The following FUT8 variants were observed in gnomAD, a reference collection of about 807,000 sequenced individuals.
FUT8 encodes the protein fucosyltransferase 8.
A neutral mutation model predicts 71.3 loss-of-function variants in FUT8; 29 were observed. The observed-to-expected ratio is 0.41, with a 90% CI of 0.30 to 0.55. FUT8 has a LOEUF of 0.55. Among genes scored for constraint, FUT8 ranks in the 20% least tolerant of loss-of-function variants. The pLI, the probability that FUT8 is intolerant of heterozygous loss-of-function variation, is 0.34. For synonymous variants in FUT8, 254 were observed against 239.3 expected, an observed-to-expected ratio of 1.06 and a Z score of -0.57; for missense variants, 544 against 702.1, an observed-to-expected ratio of 0.77 and a Z score of 2.55.
chr14:65,525,114 A>G (rs879858716), intron 2 of FUT8, among the ~76,000 whole-genome samples: 1 of 152,052 alleles, frequency 6.6e-6, no homozygotes, highest in Admixed American at 6.6e-5. Context: ...TTTTCTATTG[A>G]TGGGAATAGT....
chr14:65,678,191 T>C (rs1394277816), intron 7 of FUT8, among the ~76,000 whole-genome samples: 1 of 152,228 alleles, frequency 6.6e-6, no homozygotes, highest in African/African-American at 2.4e-5. Flanking sequence ...GATTGGGTTA[T>C]AGAGTTTCAG....
At position 65,561,349 on chromosome 14, in the gene FUT8, A is replaced by G. The variant is rs1885904286; in HGVS notation, c.-215A>G. 2 of 552,388 alleles carry G rather than the reference A, an allele frequency of 3.6e-6. No homozygotes were observed. Among genetic ancestry groups the G allele is most frequent in the Non-Finnish European group, 6.5e-6 (2 of 309,422 alleles). The allele number at this position is 552,388 out of a possible 1,614,324, so 34.2% of individuals were successfully genotyped here. ...ACTCTTTCCACAGCATGTAGAGCGC[A>G]TGAAGTACAGGACAATAAAGCTTCC... On this transcript the variant is annotated 5_prime_UTR_variant, in exon 3 of 11. It removes an upstream start codon present in the reference 5' UTR. Transcript: ENST00000673929.
chr14:65,636,322 T>G (rs1482448387), intron 6 of FUT8, among the ~76,000 whole-genome samples: 6 of 151,710 alleles, frequency 4.0e-5, no homozygotes, highest in East Asian at 3.9e-4. Flanking sequence ...TGTATTTTTT[T>G]TTTGTTTGTT....
At chr14:65,510,547 C>T (rs770676929) in intron 2 of FUT8, among the ~76,000 whole-genome samples, 1 of 151,998 alleles carries the variant, frequency 6.6e-6, no homozygotes, top group Non-Finnish European at 1.5e-5. Context: ...ACAGTGTAAC[C>T]ATTGGGTCAT....
chr14:65,592,761 C>A (rs187607799), intron 3 of FUT8, among the ~76,000 whole-genome samples: 22 of 152,216 alleles, frequency 1.4e-4, no homozygotes, highest in Non-Finnish European at 2.6e-4. Flanking sequence ...TTTATTTGAA[C>A]CTGAATGTGT....
At position 65,650,003 on chromosome 14, in the gene FUT8, A is replaced by G. The variant is rs117334696; in HGVS notation, c.598-19240A>G. Among the ~76,000 whole-genome samples, 1,397 of 152,302 alleles carry G rather than the reference A, an allele frequency of 9.2e-3. 14 individuals carry two copies. The highest frequency in any genetic ancestry group is 0.015 in the Non-Finnish European group (1,033 of 68,022). ...TATTAGTCTATTCTCACACTGCTAT[A>G]AAGAAATACCTGGCTGGGTGCGGTG... On this transcript the variant is annotated intron_variant, in intron 6 of 10. Coordinates refer to ENST00000673929, the MANE Select transcript of FUT8 (RefSeq NM_001371533.1).
At chr14:65,503,376 C>T (rs2066677448) in intron 2 of FUT8, among the ~76,000 whole-genome samples, 3 of 152,188 alleles carry the variant, frequency 2.0e-5, no homozygotes, top group African/African-American at 7.2e-5. Flanking sequence ...GATGATAGGA[C>T]ATCTGCAGAT....
intron 3 of FUT8, 53 bp downstream of exon 3, chr14:65,561,819 A>G (rs2140045081): frequency 4.2e-6 from 6 of 1,441,616 alleles, no homozygotes; most frequent in East Asian, 2.3e-5. Context: ...CTTTGTTTTT[A>G]GGTGTAGGGC....
chr14:65,528,350 G>C (rs145967881), intron 2 of FUT8, among the ~76,000 whole-genome samples: 10 of 152,360 alleles, frequency 6.6e-5, no homozygotes, highest in South Asian at 4.1e-4. Flanking sequence ...CTCCGAGCCA[G>C]GCGCGGGATA....
In FUT8 at chr14:65,631,535, T is replaced by G. The variant is rs913979892; in HGVS notation, c.597+1929T>G. Among the ~76,000 whole-genome samples the G allele has an allele frequency of 7.9e-5, 12 of 152,296 alleles. No homozygotes were observed. In the South Asian group the frequency reaches 2.1e-3, roughly 26 times the overall value. ...TTGGCTTTTTAAATCTTTTAAACTA[T>G]AGCAAAACCTAGCACTTTACTTGGA... On this transcript the variant is annotated intron_variant, in intron 6 of 10. Coordinates refer to ENST00000673929, the MANE Select transcript of FUT8 (RefSeq NM_001371533.1).
chr14:65,696,188 C>T (rs138820751), intron 7 of FUT8, among the ~76,000 whole-genome samples: 3,844 of 152,230 alleles, frequency 0.025, 69 homozygotes, highest in Non-Finnish European at 0.041. Flanking sequence ...CTCTAACACT[C>T]TTCTTTATAC....
At chr14:65,728,501 A>C (rs1594943772) in intron 9 of FUT8, among the ~76,000 whole-genome samples, 1 of 152,174 alleles carries the variant, frequency 6.6e-6, no homozygotes, top group Non-Finnish European at 1.5e-5. Flanking sequence ...AGGTTTGGGG[A>C]CCCAGCCAAA....
At chr14:65,423,940 T>C (rs2065341869) in intron 1 of FUT8, among the ~76,000 whole-genome samples, 1 of 152,202 alleles carries the variant, frequency 6.6e-6, no homozygotes, top group African/African-American at 2.4e-5. Context: ...CAATGGCCCT[T>C]ATGCTGGATT....
intron 6 of FUT8, among the ~76,000 whole-genome samples, chr14:65,630,832 T>A (rs749932482): frequency 6.6e-6 from 1 of 152,202 alleles, no homozygotes; most frequent in Non-Finnish European, 1.5e-5. Flanking sequence ...ATGTTTGAAG[T>A]TGAAATGACC....
chr14:65,360,905 A>G, the FUT8 span, among the ~76,000 whole-genome samples: 1 of 152,244 alleles, frequency 6.6e-6, no homozygotes, highest in Non-Finnish European at 1.5e-5. Context: ...TTATGAGCCC[A>G]TATTTTCTCA....
At chr14:65,394,186 C>T in the FUT8 span, among the ~76,000 whole-genome samples, 2 of 152,052 alleles carry the variant, frequency 1.3e-5, no homozygotes, top group African/African-American at 4.8e-5. Flanking sequence ...ATTGAACTCC[C>T]AGCCTCAGGT....
chr14:65,648,979 G>A (rs146110298), intron 6 of FUT8, among the ~76,000 whole-genome samples: 128 of 152,244 alleles, frequency 8.4e-4, no homozygotes, highest in African/African-American at 2.9e-3. Flanking sequence ...ATATTTGAAT[G>A]GAAAGAGACA....
chr14:65,414,213 T>C (rs1312477817), intron 1 of FUT8, among the ~76,000 whole-genome samples: 1 of 152,220 alleles, frequency 6.6e-6, no homozygotes, highest in Non-Finnish European at 1.5e-5. Flanking sequence ...GTTAAACGCA[T>C]CTCAAGTAAC....
At chr14:65,425,916 G>A (rs1346535590) in intron 1 of FUT8, among the ~76,000 whole-genome samples, 1 of 151,812 alleles carries the variant, frequency 6.6e-6, no homozygotes, top group African/African-American at 2.4e-5. Context: ...GACGGAGGTT[G>A]CAGTGAGCTG....
Sources: gnomAD v4.1 joint callset for allele counts (sites outside exome capture counted in the v4.1 genomes callset) on GRCh38, gnomAD v4.1.1 for gene constraint, MANE v1.5 for transcripts, NCBI Gene and HGNC (gene_info 2026-07-23, HGNC 2026-07-21) for gene names.